Variants in CABIN1 observed in about 807,000 individuals in gnomAD.
The protein encoded by CABIN1 is calcineurin binding protein 1.
In CABIN1, 133 loss-of-function variants were observed where a neutral mutation model predicts 227.7. That is an observed-to-expected ratio of 0.58 (90% CI 0.51 to 0.67). CABIN1 has a LOEUF of 0.67. Ranked by LOEUF, CABIN1 falls within the 30% of genes least tolerant of loss-of-function variation. The pLI is 0.00. For synonymous variants in CABIN1, 1,086 were observed against 1,155.1 expected (o/e 0.94, Z 1.21); for missense variants, 2,408 against 2,852.5 (o/e 0.84, Z 3.55).
At chr22:24,174,791 C>G (rs1330131568) in intron 34 of CABIN1, among the ~76,000 whole-genome samples, 2 of 152,048 alleles carry the variant, frequency 1.3e-5, no homozygotes, top group Non-Finnish European at 2.9e-5. Context: ...ATCATGGTGA[C>G]TGGTTCTCCC....
intron 23 of CABIN1, among the ~76,000 whole-genome samples, chr22:24,089,540 G>A (rs940996707): frequency 6.6e-6 from 1 of 152,218 alleles, no homozygotes; most frequent in Non-Finnish European, 1.5e-5. Flanking sequence ...AAGGTAGGGG[G>A]AGGTGTTTCA....
chr22:24,099,382 G>GTT (rs905939786), intron 26 of CABIN1, among the ~76,000 whole-genome samples: 2 of 152,198 alleles, frequency 1.3e-5, no homozygotes, highest in African/African-American at 4.8e-5. Context: ...GTTTGGTTTG[G>GTT]ATCTACAGCA....
intron 13 of CABIN1, 80 bp from the exon 14 acceptor site, chr22:24,062,879 G>A: frequency 7.0e-7 from 1 of 1,429,706 alleles, no homozygotes; most frequent in Admixed American, 1.7e-5. Flanking sequence ...GTGTGGTTAG[G>A]GCCAAGTGCA....
At chr22:24,161,031 G>GC (rs1352156133) in intron 29 of CABIN1, among the ~76,000 whole-genome samples, 6 of 152,206 alleles carry the variant, frequency 3.9e-5, no homozygotes, top group African/African-American at 1.2e-4. Flanking sequence ...TTCCTCAAGA[G>GC]CAGAGGGAAG....
chr22:24,048,319 C>T (rs2038053240), intron 6 of CABIN1, among the ~76,000 whole-genome samples: 1 of 152,196 alleles, frequency 6.6e-6, no homozygotes. Flanking sequence ...GGTCAGTAAG[C>T]ACACTCCTTG....
intron 33 of CABIN1, among the ~76,000 whole-genome samples, chr22:24,170,371 C>T (rs2046722527): frequency 6.6e-6 from 1 of 152,220 alleles, no homozygotes; most frequent in African/African-American, 2.4e-5. Context: ...AGCCCTGAAC[C>T]CGCCTGGAGG....
chr22:24,069,670 C>T (rs1177183466), intron 16 of CABIN1, among the ~76,000 whole-genome samples: 3 of 152,180 alleles, frequency 2.0e-5, no homozygotes, highest in Non-Finnish European at 4.4e-5. Flanking sequence ...TAGGCACCCT[C>T]GCACCCCAGT....
At chr22:24,125,144 A>G (rs1294310882) in intron 28 of CABIN1, among the ~76,000 whole-genome samples, 1 of 152,184 alleles carries the variant, frequency 6.6e-6, no homozygotes, top group South Asian at 2.1e-4. Context: ...CGCTAGCCCA[A>G]TCAGACCCCA....
At chr22:24,162,279 T>G (rs1292721262) in intron 29 of CABIN1, 1 of 152,200 alleles carries the variant, frequency 6.6e-6, no homozygotes, top group Non-Finnish European at 1.5e-5. Context: ...AGGCTCTCAT[T>G]AGGAGGGGAA....
At chr22:24,030,967 G>A (rs2146832539) in intron 1 of CABIN1, among the ~76,000 whole-genome samples, 1 of 152,306 alleles carries the variant, frequency 6.6e-6, no homozygotes, top group East Asian at 1.9e-4. Flanking sequence ...GGTAGTGGTT[G>A]GATGCGTTCC....
At chr22:24,056,080 C>CA (rs1427934291) in intron 9 of CABIN1, 112 bp from the exon 10 acceptor site, 9 of 932,424 alleles carry the variant, frequency 9.7e-6, no homozygotes, top group South Asian at 8.7e-5. Flanking sequence ...TTTTGAATGT[C>CA]AAAGAGTTTA....
At chr22:24,042,141 A>G (rs535651304) in intron 5 of CABIN1, among the ~76,000 whole-genome samples, 3 of 152,252 alleles carry the variant, frequency 2.0e-5, no homozygotes, top group African/African-American at 7.2e-5. Context: ...TTTTTAGTAG[A>G]GATGGAGTTT....
rs1396531693 is a variant in CABIN1, at chr22:24,177,660, C to T, written c.6362C>T (p.Pro2121Leu). ...PPEGHPGKPEPSRAKSRPLPN... is the reference protein window; with the variant it reads ...PPEGHPGKPELSRAKSRPLPN... Reference sequence around the variant, plus strand: ...GAGGGTCACCCAGGCAAGCCTGAGCCCAGCCGGGCTAAGTCCCGCCCCCTG... The same window carrying T: ...GAGGGTCACCCAGGCAAGCCTGAGCTCAGCCGGGCTAAGTCCCGCCCCCTG... The change falls in exon 36 of 37, where the codon CCC (proline) becomes CTC (leucine). Residue 2121 changes from proline (P) to leucine (L), a missense_variant. Coordinates refer to ENST00000263119, the MANE Select transcript of CABIN1 (RefSeq NM_012295.4). This position sits in a 1 kb window ranked among gnomAD's most constrained non-coding sequence, Gnocchi z 4.4. The T allele has an allele frequency of 1.2e-6, 2 of 1,613,874 alleles. No homozygotes were observed.
chr22:24,137,823 T>A (rs1393825674), intron 29 of CABIN1, among the ~76,000 whole-genome samples: 11 of 152,224 alleles, frequency 7.2e-5, no homozygotes, highest in Admixed American at 7.2e-4. Flanking sequence ...GAAGGAGCAT[T>A]TAGGGCAGCC....
At chr22:24,039,963 G>T (rs934129227) in intron 4 of CABIN1, among the ~76,000 whole-genome samples, 2 of 152,242 alleles carry the variant, frequency 1.3e-5, no homozygotes, top group Non-Finnish European at 2.9e-5. Context: ...TGTCCTAGAG[G>T]GACTTGCTCG....
At chr22:24,048,072 A>G (rs546845749) in intron 6 of CABIN1, among the ~76,000 whole-genome samples, 1 of 152,366 alleles carries the variant, frequency 6.6e-6, no homozygotes, top group East Asian at 1.9e-4. Flanking sequence ...TGGAGTTGGC[A>G]CAGGCTTTCC....
At position 24,098,287 on chromosome 22, in the gene CABIN1, G is replaced by T. The variant is rs1026463675; in HGVS notation, c.4117+95G>T. The T allele has an allele frequency of 2.2e-5, 35 of 1,573,040 alleles. 1 individual carries two copies. The highest frequency in any genetic ancestry group is 1.5e-4 in the South Asian group (13 of 89,546). On this transcript the variant is annotated intron_variant, in intron 26 of 36. Transcript: ENST00000263119. ...TCATTTTGTCGCTTCGTTTTGGTGAGGGGGGGTGCTGGGTCTGGGGTGACA... is the reference window on the plus strand; with the variant it reads ...TCATTTTGTCGCTTCGTTTTGGTGATGGGGGGTGCTGGGTCTGGGGTGACA...
intron 24 of CABIN1, 49 bp from the exon 25 acceptor site, chr22:24,095,882 A>C (rs765463550): frequency 2.5e-6 from 4 of 1,611,016 alleles, no homozygotes; most frequent in Non-Finnish European, 3.4e-6. Context: ...TGTGGAACAA[A>C]TCTTAGCAAC....
chr22:24,098,882 A>C (rs2042049171), intron 26 of CABIN1, among the ~76,000 whole-genome samples: 2 of 152,152 alleles, frequency 1.3e-5, no homozygotes, highest in African/African-American at 4.8e-5. Flanking sequence ...AGGACCACTA[A>C]AGTGGAGTCC....
Sources: allele counts gnomAD v4.1 joint callset (sites outside exome capture counted in the v4.1 genomes callset), GRCh38; gene constraint gnomAD v4.1.1; non-coding constraint Gnocchi (gnomAD v3.1); transcripts MANE v1.5; gene names NCBI Gene and HGNC (gene_info 2026-07-23, HGNC 2026-07-21).